The following CCDC73 variants were observed in gnomAD, a reference collection of about 807,000 sequenced individuals.
CCDC73 encodes the protein coiled-coil domain-containing protein 73.
In CCDC73, 95 loss-of-function variants were observed where a neutral mutation model predicts 116.5. The ratio of observed to expected loss-of-function variants is 0.82; its 90% confidence interval spans 0.69 to 0.97. The LOEUF (loss-of-function observed/expected upper bound fraction) is 0.97, where lower values mean the gene tolerates loss of function less well. Ranked by LOEUF, CCDC73 falls within the 50% of genes least tolerant of loss-of-function variation. The pLI, the probability that CCDC73 is intolerant of heterozygous loss-of-function variation, is 0.00. For missense variants in CCDC73, 1,066 were observed against 1,206.8 expected (o/e 0.88, Z 1.73); for synonymous variants, 398 against 401.3 (o/e 0.99, Z 0.10).
chr11:32,625,899 A>C (rs888340275), intron 14 of CCDC73, among the ~76,000 whole-genome samples: 2 of 148,556 alleles, frequency 1.3e-5, no homozygotes, highest in African/African-American at 5.0e-5. Flanking sequence ...AACTGGAAGC[A>C]TTCCCTTTGA....
At chr11:32,631,938 T>G (rs959925350) in intron 14 of CCDC73, among the ~76,000 whole-genome samples, 1 of 152,152 alleles carries the variant, frequency 6.6e-6, no homozygotes, top group African/African-American at 2.4e-5. Context: ...GCTCAAAAAT[T>G]TTAAGATTTC....
chr11:32,667,691 C>T (rs1247422317), intron 9 of CCDC73, among the ~76,000 whole-genome samples: 1 of 152,182 alleles, frequency 6.6e-6, no homozygotes, highest in Non-Finnish European at 1.5e-5. Flanking sequence ...TCCAACAAGC[C>T]CCAATGAGAT....
At chr11:32,654,077 T>A in intron 10 of CCDC73, 40 bp from the exon 11 acceptor site, 1 of 1,538,780 alleles carries the variant, frequency 6.5e-7, no homozygotes, top group Non-Finnish European at 8.8e-7. Flanking sequence ...GATATAAAAT[T>A]CAGCAAATTC....
intron 12 of CCDC73, 120 bp downstream of exon 12, chr11:32,653,003 C>A: frequency 1.8e-6 from 1 of 565,678 alleles, no homozygotes; most frequent in Non-Finnish European, 3.0e-6. Context: ...TATCTTACCC[C>A]TAGAATTCAA....
chr11:32,612,053 C>T (rs997748618), intron 16 of CCDC73, among the ~76,000 whole-genome samples: 3 of 152,124 alleles, frequency 2.0e-5, no homozygotes, highest in African/African-American at 7.2e-5. Flanking sequence ...ATTTGATTTT[C>T]GCCTACATTA....
chr11:32,732,559 C>T (rs1367388265), intron 2 of CCDC73, among the ~76,000 whole-genome samples: 1 of 152,212 alleles, frequency 6.6e-6, no homozygotes, highest in South Asian at 2.1e-4. Context: ...ATCAGACTAA[C>T]AGCGGATCTC....
At chr11:32,830,542 C>T in the CCDC73 span, 15 of 1,583,454 alleles carry the variant, frequency 9.5e-6, no homozygotes, top group African/African-American at 2.1e-4. Flanking sequence ...GTTTACGCTT[C>T]TGGTTCTACT....
At chr11:32,624,502 G>A (rs886767712) in intron 14 of CCDC73, among the ~76,000 whole-genome samples, 4 of 152,108 alleles carry the variant, frequency 2.6e-5, no homozygotes, top group East Asian at 1.9e-4. Context: ...ATTATGGCAC[G>A]TCCTAGTCAC....
chr11:32,742,371 C>T (rs903509443), intron 2 of CCDC73, among the ~76,000 whole-genome samples: 2 of 152,216 alleles, frequency 1.3e-5, no homozygotes, highest in African/African-American at 4.8e-5. Flanking sequence ...GATGGTATCT[C>T]ACTGTGGCTT....
chr11:32,624,021 T>C (rs375988375), intron 14 of CCDC73, among the ~76,000 whole-genome samples: 3 of 151,856 alleles, frequency 2.0e-5, no homozygotes, highest in East Asian at 3.9e-4. Context: ...CGGAAAGCAA[T>C]CTGACAATAT....
chr11:32,654,781 T>C (rs1380729033), intron 10 of CCDC73, 63 bp downstream of exon 10: 54 of 1,189,652 alleles, frequency 4.5e-5, no homozygotes, highest in African/African-American at 6.3e-5. Context: ...GTTACAATTC[T>C]GAAATTCTCA....
chr11:32,734,149 C>T (rs892912343), intron 2 of CCDC73, among the ~76,000 whole-genome samples: 12 of 152,096 alleles, frequency 7.9e-5, no homozygotes, highest in Admixed American at 5.9e-4. Flanking sequence ...AACACCTCTA[C>T]GCAAATAAAC....
the CCDC73 span, among the ~76,000 whole-genome samples, chr11:32,812,248 C>T: frequency 1.9e-3 from 284 of 152,294 alleles, no homozygotes; most frequent in Non-Finnish European, 1.0e-3. Flanking sequence ...TAATGAATGG[C>T]TGGGTGCGGT....
In CCDC73 at chr11:32,778,072, T is replaced by C. The variant is rs1374126918; in HGVS notation, c.-16+16541A>G. On this transcript the variant is annotated intron_variant, in intron 1 of 17. Coordinates refer to ENST00000335185, the MANE Select transcript of CCDC73 (RefSeq NM_001008391.4). ...AGAGCAGAAAACCATATTACGTATC[T>C]GCTTAATAATAAAAACATGTTAAAA... 1.3e-5 allele frequency among the ~76,000 whole-genome samples: 2 copies of C among 152,216 alleles called. 1 individual carries two copies. Among genetic ancestry groups the C allele is most frequent in the Non-Finnish European group, 2.9e-5 (2 of 68,038 alleles).
At chr11:32,711,523 A>C (rs900171840) in intron 3 of CCDC73, among the ~76,000 whole-genome samples, 1 of 152,176 alleles carries the variant, frequency 6.6e-6, no homozygotes, top group Non-Finnish European at 1.5e-5. Context: ...TTTATGCCAA[A>C]TATCATATGT....
the CCDC73 span, among the ~76,000 whole-genome samples, chr11:32,815,632 T>C: frequency 1.3e-5 from 2 of 152,236 alleles, no homozygotes; most frequent in African/African-American, 2.4e-5. Flanking sequence ...ATTAAAACTG[T>C]GTGTTATGTT....
intron 9 of CCDC73, among the ~76,000 whole-genome samples, chr11:32,674,097 T>C (rs1856063368): frequency 1.3e-5 from 2 of 152,196 alleles, no homozygotes; most frequent in South Asian, 2.1e-4. Context: ...TGGAAGCCCA[T>C]TGATGCAACC....
chr11:32,766,276 C>A (rs1416425457), intron 1 of CCDC73, among the ~76,000 whole-genome samples: 1 of 152,166 alleles, frequency 6.6e-6, no homozygotes, highest in Non-Finnish European at 1.5e-5. Context: ...GCTAAAAACT[C>A]TCAATAAATT....
chr11:32,767,086 G>T lies in CCDC73; in HGVS notation c.-15-6828C>A, dbSNP rs1383837628. On this transcript the variant is annotated intron_variant, in intron 1 of 17. Transcript: ENST00000335185. ...CTTCAAACTATACTACAAGGCTACA[G>T]GAACCAAAACAGCATGGTACTGGTA... Among the ~76,000 whole-genome samples, 5 of 152,204 alleles carry T rather than the reference G, an allele frequency of 3.3e-5. 1 individual carries two copies. Among genetic ancestry groups the T allele is most frequent in the Admixed American group, 3.3e-4 (5 of 15,278 alleles).
Sources: gnomAD v4.1 joint callset for allele counts (sites outside exome capture counted in the v4.1 genomes callset) on GRCh38, gnomAD v4.1.1 for gene constraint, MANE v1.5 for transcripts, NCBI Gene and HGNC (gene_info 2026-07-23, HGNC 2026-07-21) for gene names.